PGBD5: variants seen among roughly 807,000 people sequenced by gnomAD.
PGBD5 encodes the protein piggyBac transposable element derived 5, also known as piggyBac transposable element-derived protein 5.
PGBD5 carries 14 observed loss-of-function variants against 47.9 expected under a neutral mutation model. The observed-to-expected ratio is 0.29, with a 90% confidence interval of 0.19 to 0.46. The LOEUF is 0.46. Ranked by LOEUF, PGBD5 falls within the 20% of genes least tolerant of loss-of-function variation. The pLI, the probability that PGBD5 is intolerant of heterozygous loss-of-function variation, is 1.00. For synonymous variants in PGBD5, 316 were observed against 306.3 expected (o/e 1.03, Z -0.33); for missense variants, 635 against 716.0 (o/e 0.89, Z 1.29).
intron 1 of PGBD5, among the ~76,000 whole-genome samples, chr1:230,396,046 C>T (rs1203040542): frequency 1.4e-5 from 2 of 146,034 alleles, no homozygotes; most frequent in Non-Finnish European, 1.5e-5. Context: ...TCCGTCTTCC[C>T]TTTGCTTCCC....
In PGBD5 at chr1:230,327,119, C is replaced by T. The variant is rs1558190079; in HGVS notation, c.1274-1704G>A. ...ACGGACGCCTTCTTCCTAACAGCCG[C>T]GGCCATTCGAGAGTGGCTGGAGTTG... On this transcript the variant is annotated intron_variant, in intron 5 of 6. Coordinates refer to ENST00000391860, the MANE Select transcript of PGBD5 (RefSeq NM_001258311.2). Among the ~76,000 whole-genome samples the T allele has an allele frequency of 2.0e-5, 3 of 152,204 alleles. No individual in the cohort carries two copies. The South Asian group carries it at 6.2e-4, about 32-fold the overall frequency.
intron 1 of PGBD5, among the ~76,000 whole-genome samples, chr1:230,400,554 C>A (rs1303106145): frequency 3.3e-5 from 5 of 152,210 alleles, no homozygotes; most frequent in African/African-American, 1.2e-4. Context: ...AGACTTAAAA[C>A]CTAGCTTCAC....
intron 3 of PGBD5, among the ~76,000 whole-genome samples, chr1:230,343,345 C>T (rs569485238): frequency 2.6e-5 from 4 of 152,162 alleles, no homozygotes; most frequent in African/African-American, 7.2e-5. Flanking sequence ...GTTGAAGAGT[C>T]GAAGTTCTTT....
chr1:230,334,901 TC>T (rs1286473376), intron 4 of PGBD5, among the ~76,000 whole-genome samples: 2 of 152,156 alleles, frequency 1.3e-5, no homozygotes, highest in Non-Finnish European at 2.9e-5. Context: ...CCAAGAGGCA[TC>T]CCCTCCTCAG....
At chr1:230,384,384 T>C (rs895815209) in intron 1 of PGBD5, among the ~76,000 whole-genome samples, 2 of 151,928 alleles carry the variant, frequency 1.3e-5, no homozygotes, top group Non-Finnish European at 2.9e-5. Context: ...GGTACAGAAG[T>C]GTGGTGAGAC....
intron 3 of PGBD5, among the ~76,000 whole-genome samples, chr1:230,339,231 C>T (rs942160572): frequency 6.6e-5 from 10 of 152,304 alleles, no homozygotes; most frequent in African/African-American, 2.4e-4. Context: ...GTGAAGATGA[C>T]GTCAGTTTTA....
chr1:230,387,912 G>C (rs1055348573), intron 1 of PGBD5, among the ~76,000 whole-genome samples: 8 of 152,160 alleles, frequency 5.3e-5, no homozygotes, highest in Non-Finnish European at 2.9e-5. Context: ...TGGAGGGGAA[G>C]TTACGTGGAG....
intron 3 of PGBD5, among the ~76,000 whole-genome samples, chr1:230,340,815 C>T (rs751209604): frequency 2.6e-5 from 4 of 152,016 alleles, no homozygotes; most frequent in Admixed American, 6.6e-5. Context: ...ATTTTACAAT[C>T]CCTGGGTAGA....
At chr1:230,345,562 A>T (rs1667462570) in intron 3 of PGBD5, among the ~76,000 whole-genome samples, 1 of 152,218 alleles carries the variant, frequency 6.6e-6, no homozygotes, top group Admixed American at 6.5e-5. Flanking sequence ...ACACAGAATA[A>T]ATACAGACAG....
At position 230,323,112 on chromosome 1, in the gene PGBD5, C is replaced by A; in HGVS notation, c.*313G>T. 1 of 321,974 alleles carries A rather than the reference C, an allele frequency of 3.1e-6. No homozygotes were observed. Among genetic ancestry groups the A allele is most frequent in the Non-Finnish European group, 5.7e-6 (1 of 174,264 alleles). 19.9% of individuals were successfully genotyped at this position (321,974 alleles called of 1,614,324 possible). A position where few individuals can be genotyped will look rare whatever the true frequency, so the allele number is the denominator to read the frequency against. On this transcript the variant is annotated 3_prime_UTR_variant, in exon 7 of 7. Coordinates refer to ENST00000391860, the MANE Select transcript of PGBD5 (RefSeq NM_001258311.2). This position sits in a 1 kb window ranked among gnomAD's most constrained non-coding sequence, Gnocchi z 4.1. ...ATTCTACCACGGGGGCCTTCCTTCA[C>A]AGTCACCAGTCCACGCTGCCTCGCA...
intron 1 of PGBD5, among the ~76,000 whole-genome samples, chr1:230,410,773 G>A (rs1657391765): frequency 6.6e-6 from 1 of 151,962 alleles, no homozygotes; most frequent in African/African-American, 2.4e-5. Flanking sequence ...ATTAGAAAAG[G>A]ACAGCTTCTA....
chr1:230,336,025 CAT>C (rs1667320153), intron 4 of PGBD5: 1 of 152,052 alleles, frequency 6.6e-6, no homozygotes, highest in African/African-American at 2.4e-5. Flanking sequence ...CTGGAACACA[CAT>C]AAACATCACA....
chr1:230,345,819 T>C (rs1396635359), intron 3 of PGBD5, among the ~76,000 whole-genome samples: 2 of 152,200 alleles, frequency 1.3e-5, no homozygotes, highest in African/African-American at 4.8e-5. Flanking sequence ...AGCTGCAGGC[T>C]AATGTAAGTG....
At chr1:230,423,785 T>C (rs1221698947) in intron 1 of PGBD5, among the ~76,000 whole-genome samples, 1 of 152,260 alleles carries the variant, frequency 6.6e-6, no homozygotes, top group South Asian at 2.1e-4. Context: ...TAACCACTAA[T>C]GTCTTTGGTT....
Position 230,415,568 on chromosome 1 carries a change from T to C in PGBD5, c.331+10030A>G, listed in dbSNP as rs61824801. 5.6e-3 allele frequency among the ~76,000 whole-genome samples: 851 copies of C among 152,318 alleles called. 7 individuals carry two copies. Among genetic ancestry groups the C allele is most frequent in the Middle Eastern group, 0.031 (9 of 294 alleles). On this transcript the variant is annotated intron_variant, in intron 1 of 6. Transcript: ENST00000391860. The stretch of plus-strand genomic sequence containing the variant: ...CTTCCTGTCTGCTGCCTGGCAGAGA[T>C]GAGTGCAGTGACCACTTCCCAGTGA...
intron 1 of PGBD5, among the ~76,000 whole-genome samples, chr1:230,373,445 G>A (rs1456272517): frequency 1.3e-5 from 2 of 152,200 alleles, no homozygotes; most frequent in Non-Finnish European, 2.9e-5. Context: ...ATGGGTGAGG[G>A]GGACGAGGGT....
rs905076450 is a variant in PGBD5 at position 230,425,955 on chromosome 1, C to CT, written c.-28_-27insA. Reference sequence around the variant, plus strand: ...GCCCCGGCCGCCGCCCGCGCGCCCGCCCCCACAGTGCCTCCCAGCCGCACA... The same window carrying CT: ...GCCCCGGCCGCCGCCCGCGCGCCCGCTCCCCACAGTGCCTCCCAGCCGCACA... On this transcript the variant is annotated 5_prime_UTR_variant, in exon 1 of 7. Coordinates refer to ENST00000391860, the MANE Select transcript of PGBD5 (RefSeq NM_001258311.2). This position sits in a 1 kb window ranked among gnomAD's most constrained non-coding sequence, Gnocchi z 4.7. 1.4e-4 allele frequency: 115 copies of CT among 818,294 alleles called. 1 individual carries two copies. The highest frequency in any genetic ancestry group is 1.4e-4 in the Non-Finnish European group (101 of 746,160). The allele number at this position is 818,294 out of a possible 1,614,324, so 50.7% of individuals were successfully genotyped here. A position where few individuals can be genotyped will look rare whatever the true frequency, so the allele number is the denominator to read the frequency against.
chr1:230,370,355 C>T (rs1667910092), intron 1 of PGBD5, among the ~76,000 whole-genome samples: 1 of 152,200 alleles, frequency 6.6e-6, no homozygotes, highest in Admixed American at 6.5e-5. Context: ...GTCCCCTCCC[C>T]TTTCTCAAGG....
intron 1 of PGBD5, among the ~76,000 whole-genome samples, chr1:230,364,277 C>T (rs1667792633): frequency 6.6e-6 from 1 of 152,248 alleles, no homozygotes; most frequent in Non-Finnish European, 1.5e-5. Flanking sequence ...ATAACTTACA[C>T]CTAATTCACT....
Sources: gnomAD v4.1 joint callset for allele counts (sites outside exome capture counted in the v4.1 genomes callset) on GRCh38, gnomAD v4.1.1 for gene constraint, Gnocchi (gnomAD v3.1) non-coding constraint, MANE v1.5 for transcripts, NCBI Gene and HGNC (gene_info 2026-07-23, HGNC 2026-07-21) for gene names.